Variants in PRR5L observed in about 807,000 individuals in gnomAD.
The protein encoded by PRR5L is proline-rich protein 5-like.
A neutral mutation model predicts 36.4 loss-of-function variants in PRR5L; 21 were observed. The observed-to-expected ratio is 0.58, with a 90% CI of 0.41 to 0.83. The LOEUF (loss-of-function observed/expected upper bound fraction) is 0.83. Among genes scored for constraint, PRR5L ranks in the 40% least tolerant of loss-of-function variants. PRR5L has a pLI of 0.00. For synonymous variants in PRR5L, 188 were observed against 197.0 expected, an observed-to-expected ratio of 0.95 and a Z score of 0.38; for missense variants, 381 against 473.3, an observed-to-expected ratio of 0.80 and a Z score of 1.81.
rs1172872078 is a variant in PRR5L, at chr11:36,351,660, TATATATTTATATAC to T, written c.-125-49336_-125-49323del. Among the ~76,000 whole-genome samples, 24 of 2,704 alleles carry T rather than the reference TATATATTTATATAC, an allele frequency of 8.9e-3. 4 individuals are homozygous for T. In the East Asian group the frequency reaches 0.31, roughly 35 times the overall value. 1.8% of individuals were successfully genotyped at this position (2,704 alleles called of 152,430 possible). A position where few individuals can be genotyped will look rare whatever the true frequency, so the allele number is the denominator to read the frequency against. ...ATATATATTTATATATTTATATAAA[TATATATTTATATAC>T]TTATATATTTATATATTTATATATT... is the stretch of plus-strand genomic sequence containing the variant. On this transcript the variant is annotated intron_variant, in intron 1 of 8. Transcript: ENST00000530639.
chr11:36,335,760 C>G (rs1285531371), intron 1 of PRR5L, among the ~76,000 whole-genome samples: 3 of 152,174 alleles, frequency 2.0e-5, no homozygotes, highest in Non-Finnish European at 4.4e-5. Flanking sequence ...ACCATGTTCT[C>G]CATAGTGTGA....
At chr11:36,380,483 C>G (rs1857349331) in intron 1 of PRR5L, 1 of 152,192 alleles carries the variant, frequency 6.6e-6, no homozygotes, top group African/African-American at 2.4e-5. Flanking sequence ...GTCACTCAGT[C>G]TCCCTCTTTA....
In PRR5L at chr11:36,451,158, G is replaced by A. The variant is rs140040590; in HGVS notation, c.586-51G>A. ...GGATTTGTTGAGTGAGAACCTGCTGGTCATGGCAATGAACACTGACCTTTG... is the reference window on the plus strand; with the variant it reads ...GGATTTGTTGAGTGAGAACCTGCTGATCATGGCAATGAACACTGACCTTTG... On this transcript the variant is annotated intron_variant, in intron 7 of 8. Coordinates refer to ENST00000530639, the MANE Select transcript of PRR5L (RefSeq NM_001160167.2). 1.3e-3 allele frequency: 2,032 copies of A among 1,604,206 alleles called. 20 individuals carry two copies. The African/African-American group carries it at 0.023, about 18-fold the overall frequency.
At chr11:36,359,221 G>A (rs575951199) in intron 1 of PRR5L, among the ~76,000 whole-genome samples, 38 of 152,238 alleles carry the variant, frequency 2.5e-4, no homozygotes, top group Non-Finnish European at 4.3e-4. Flanking sequence ...TACGTGAAGC[G>A]GTATTAACTT....
chr11:36,308,497 G>T (rs999205362), intron 1 of PRR5L, among the ~76,000 whole-genome samples: 1 of 152,208 alleles, frequency 6.6e-6, no homozygotes, highest in African/African-American at 2.4e-5. Flanking sequence ...CCCCCTGGGT[G>T]TCTCAGGAAA....
intron 1 of PRR5L, among the ~76,000 whole-genome samples, chr11:36,339,595 C>T (rs573476137): frequency 6.6e-6 from 1 of 152,212 alleles, no homozygotes; most frequent in East Asian, 1.9e-4. Context: ...AGGTACACAC[C>T]ATTAATTTTT....
intron 1 of PRR5L, among the ~76,000 whole-genome samples, chr11:36,400,540 G>C (rs1005007840): frequency 1.3e-5 from 2 of 152,206 alleles, no homozygotes; most frequent in African/African-American, 4.8e-5. Flanking sequence ...CTGATACTTT[G>C]AGAAAAACTG....
chr11:36,462,730 C>T lies in PRR5L; in HGVS notation c.1101C>T (p.Leu367=). ...QEGSELNCAS[L]S is the part of the protein sequence containing the mutation. ...GCTCGGAGCTGAACTGTGCTTCCCT[C>T]AGCTGAGTCGCCACCCCTGGGCCTT... The change falls in exon 9 of 9, where the codon CTC becomes CTT. Residue 367 remains leucine, a synonymous_variant. Coordinates refer to ENST00000530639, the MANE Select transcript of PRR5L (RefSeq NM_001160167.2). The T allele has an allele frequency of 3.2e-6, 5 of 1,545,110 alleles. No individual in the cohort carries two copies. The highest frequency in any genetic ancestry group is 4.4e-6 in the Non-Finnish European group (5 of 1,145,136).
chr11:36,414,103 C>T (rs564250794), intron 3 of PRR5L, among the ~76,000 whole-genome samples: 30 of 150,120 alleles, frequency 2.0e-4, no homozygotes, highest in African/African-American at 5.7e-4. Context: ...TTTCTTAATC[C>T]GGTCTATCAT....
At chr11:36,351,746 A>ATAT (rs1491133144) in intron 1 of PRR5L, among the ~76,000 whole-genome samples, 919 of 73,164 alleles carry the variant, frequency 0.013, 98 homozygotes, top group Non-Finnish European at 0.015. Flanking sequence ...ATTTATATAT[A>ATAT]ATTTATATAT....
At chr11:36,428,094 C>T (rs1287523711) in intron 4 of PRR5L, among the ~76,000 whole-genome samples, 1 of 152,192 alleles carries the variant, frequency 6.6e-6, no homozygotes, top group Admixed American at 6.5e-5. Flanking sequence ...ATGCCAAGTC[C>T]TGACTCTCCC....
At chr11:36,414,980 A>G (rs1590559416) in intron 3 of PRR5L, among the ~76,000 whole-genome samples, 1 of 143,396 alleles carries the variant, frequency 7.0e-6, no homozygotes, top group Admixed American at 6.9e-5. Context: ...TCCTTTCCCC[A>G]TTGCTTGTTT....
At chr11:36,410,943 G>A (rs1008116104) in intron 3 of PRR5L, among the ~76,000 whole-genome samples, 2 of 152,200 alleles carry the variant, frequency 1.3e-5, no homozygotes, top group Admixed American at 6.5e-5. Flanking sequence ...ATCTTGAGGC[G>A]GTCTGGGCGG....
At chr11:36,395,726 TA>T (rs1160762773) in intron 1 of PRR5L, among the ~76,000 whole-genome samples, 14 of 151,842 alleles carry the variant, frequency 9.2e-5, no homozygotes, top group Non-Finnish European at 1.2e-4. Context: ...ATTTATTAGT[TA>T]TTTTTTTTAA....
chr11:36,390,624 T>C (rs1857546726), intron 1 of PRR5L, among the ~76,000 whole-genome samples: 1 of 152,174 alleles, frequency 6.6e-6, no homozygotes, highest in Admixed American at 6.5e-5. Context: ...CAGACACAGG[T>C]GCTTCCAAAC....
At chr11:36,405,612 A>C (rs1857893227) in intron 3 of PRR5L, among the ~76,000 whole-genome samples, 1 of 152,238 alleles carries the variant, frequency 6.6e-6, no homozygotes, top group Non-Finnish European at 1.5e-5. Flanking sequence ...TAAAAGTCAC[A>C]CAGCAATGAG....
chr11:36,357,695 A>G (rs941568195), intron 1 of PRR5L, among the ~76,000 whole-genome samples: 1 of 152,276 alleles, frequency 6.6e-6, no homozygotes, highest in Admixed American at 6.5e-5. Context: ...CCCACTGTTG[A>G]GACTACTATT....
At chr11:36,437,754 T>A (rs183806801) in intron 6 of PRR5L, among the ~76,000 whole-genome samples, 2 of 152,378 alleles carry the variant, frequency 1.3e-5, no homozygotes, top group Admixed American at 1.3e-4. Context: ...TTGTTTTTCT[T>A]AGTTTTCAGA....
At chr11:36,342,577 G>C (rs1181911076) in intron 1 of PRR5L, among the ~76,000 whole-genome samples, 1 of 152,152 alleles carries the variant, frequency 6.6e-6, no homozygotes, top group Non-Finnish European at 1.5e-5. Flanking sequence ...GTACTTTCTG[G>C]TTCAATTTCT....
Sources: gnomAD v4.1 joint callset for allele counts (sites outside exome capture counted in the v4.1 genomes callset) on GRCh38, gnomAD v4.1.1 for gene constraint, MANE v1.5 for transcripts, NCBI Gene and HGNC (gene_info 2026-07-23, HGNC 2026-07-21) for gene names.